CTNNA2: variants seen among roughly 807,000 people sequenced by gnomAD.
CTNNA2 encodes the protein catenin alpha-2.
CTNNA2 carries 42 observed loss-of-function variants against 101.0 expected under a neutral mutation model. The ratio of observed to expected loss-of-function variants is 0.42; its 90% confidence interval spans 0.32 to 0.54. CTNNA2 has a LOEUF of 0.54. Among genes scored for constraint, CTNNA2 ranks in the 20% least tolerant of loss-of-function variants. The pLI is 0.14. For missense variants in CTNNA2, 871 were observed against 1,223.1 expected (o/e 0.71, Z 4.29); for synonymous variants, 450 against 456.4 (o/e 0.99, Z 0.18).
intron 1 of CTNNA2, among the ~76,000 whole-genome samples, chr2:79,583,206 C>CAT (rs564813016): frequency 0.02 from 2,944 of 149,350 alleles, 83 homozygotes; most frequent in Admixed American, 0.088. Context: ...GATATACACA[C>CAT]ATATATATAT....
intron 2 of CTNNA2, among the ~76,000 whole-genome samples, chr2:79,292,025 G>T (rs1675834434): frequency 6.6e-6 from 1 of 152,098 alleles, no homozygotes; most frequent in Admixed American, 6.6e-5. Context: ...ACCTGTGGGG[G>T]TGGTTGATTG....
At chr2:80,141,617 A>G (rs1347221035) in intron 7 of CTNNA2, among the ~76,000 whole-genome samples, 1 of 152,060 alleles carries the variant, frequency 6.6e-6, no homozygotes, top group African/African-American at 2.4e-5. Flanking sequence ...ATGAAGGGCA[A>G]TTTCTGTAGG....
intron 7 of CTNNA2, among the ~76,000 whole-genome samples, chr2:79,917,226 C>T (rs1479483883): frequency 6.6e-6 from 1 of 151,956 alleles, no homozygotes; most frequent in Non-Finnish European, 1.5e-5. Flanking sequence ...TGCCTGCCAC[C>T]ACGTCCAGCT....
intron 7 of CTNNA2, chr2:80,162,779 A>G (rs868761876): frequency 3.0e-5 from 48 of 1,590,814 alleles, no homozygotes; most frequent in Middle Eastern, 1.7e-4. Flanking sequence ...ATTTTCCACC[A>G]TATGACATTT....
intron 1 of CTNNA2, among the ~76,000 whole-genome samples, chr2:79,642,820 A>G (rs1419941391): frequency 6.0e-5 from 9 of 150,978 alleles, no homozygotes; most frequent in Admixed American, 5.3e-4. Context: ...TCTGTGATAC[A>G]TACACACAGA....
chr2:80,067,723 G>A lies in CTNNA2; in HGVS notation c.1056+157926G>A, dbSNP rs138705089. 9.4e-3 allele frequency among the ~76,000 whole-genome samples: 1,425 copies of A among 152,248 alleles called. 5 individuals carry two copies. Among genetic ancestry groups the A allele is most frequent in the Non-Finnish European group, 0.016 (1,063 of 68,028 alleles). ...TGGAGGCTAGGTCATAAAAGACATC[G>A]CGGCTTTCTCCCTACTCTTCTGGAT... On this transcript the variant is annotated intron_variant, in intron 7 of 18. Transcript: ENST00000402739.
At chr2:79,851,059 A>G (rs1286684022) in intron 3 of CTNNA2, among the ~76,000 whole-genome samples, 4 of 152,160 alleles carry the variant, frequency 2.6e-5, no homozygotes, top group African/African-American at 9.7e-5. Context: ...TGCTTACCTC[A>G]TCTTTTCAAC....
At chr2:79,537,194 C>T (rs1165660134) in intron 1 of CTNNA2, among the ~76,000 whole-genome samples, 1 of 152,290 alleles carries the variant, frequency 6.6e-6, no homozygotes, top group East Asian at 1.9e-4. Context: ...CTGATTTGAC[C>T]TGCCTGATCC....
intron 7 of CTNNA2, among the ~76,000 whole-genome samples, chr2:80,209,385 T>G (rs576420849): frequency 1.7e-4 from 26 of 151,852 alleles, no homozygotes; most frequent in Non-Finnish European, 2.9e-4. Context: ...CATGTGGGGT[T>G]TCACCATGTT....
upstream of CTNNA2, among the ~76,000 whole-genome samples, chr2:79,509,857 A>G (rs920880924): frequency 6.6e-6 from 1 of 152,168 alleles, no homozygotes; most frequent in Non-Finnish European, 1.5e-5. Context: ...GGCCGGAGGT[A>G]TATGAAAACT....
chr2:79,869,409 C>T (rs1673568438), intron 4 of CTNNA2, among the ~76,000 whole-genome samples: 1 of 152,178 alleles, frequency 6.6e-6, no homozygotes, highest in African/African-American at 2.4e-5. Context: ...TTTTTAGCAG[C>T]TCAGGAATTT....
chr2:79,318,486 T>C (rs969127414), intron 3 of CTNNA2, among the ~76,000 whole-genome samples: 1 of 152,210 alleles, frequency 6.6e-6, no homozygotes, highest in Non-Finnish European at 1.5e-5. Context: ...CATTGATTGA[T>C]GTTGTTGGTT....
At chr2:80,068,897 T>C (rs893037302) in intron 7 of CTNNA2, among the ~76,000 whole-genome samples, 1 of 152,188 alleles carries the variant, frequency 6.6e-6, no homozygotes, top group Non-Finnish European at 1.5e-5. Context: ...TGAAAAGATA[T>C]GTTACATTTT....
At chr2:80,065,363 A>AT (rs34605273) in intron 7 of CTNNA2, among the ~76,000 whole-genome samples, 27,875 of 144,358 alleles carry the variant, frequency 0.19, 3,095 homozygotes, top group African/African-American at 0.32. Flanking sequence ...TCTCCATTCT[A>AT]TTTTTTTTTT....
At chr2:80,128,895 T>C (rs767382215) in intron 7 of CTNNA2, among the ~76,000 whole-genome samples, 4 of 152,184 alleles carry the variant, frequency 2.6e-5, no homozygotes, top group Non-Finnish European at 5.9e-5. Flanking sequence ...CTTAACATTA[T>C]GCTTTGCTCC....
chr2:80,211,542 T>C (rs536954833), intron 7 of CTNNA2, among the ~76,000 whole-genome samples: 1 of 152,306 alleles, frequency 6.6e-6, no homozygotes, highest in African/African-American at 2.4e-5. Flanking sequence ...TGTAGTATTA[T>C]TTATGAGGGC....
intron 7 of CTNNA2, among the ~76,000 whole-genome samples, chr2:80,035,152 C>T (rs776972645): frequency 1.3e-5 from 2 of 152,038 alleles, no homozygotes; most frequent in African/African-American, 4.8e-5. Flanking sequence ...CCCAGGGATA[C>T]GGTTCAGAAA....
intron 2 of CTNNA2, among the ~76,000 whole-genome samples, chr2:79,664,879 T>G (rs1288904160): frequency 1.3e-5 from 2 of 151,824 alleles, no homozygotes; most frequent in Non-Finnish European, 2.9e-5. Flanking sequence ...GCCCGGCTAA[T>G]TTTTTGTATT....
intron 7 of CTNNA2, among the ~76,000 whole-genome samples, chr2:79,930,322 AAG>A (rs1216983512): frequency 6.9e-6 from 1 of 144,610 alleles, no homozygotes; most frequent in African/African-American, 2.6e-5. Context: ...GAAAGAAAGA[AAG>A]AAAGAAAGAA....
Sources: allele counts gnomAD v4.1 joint callset (sites outside exome capture counted in the v4.1 genomes callset), GRCh38; gene constraint gnomAD v4.1.1; transcripts MANE v1.5; gene names NCBI Gene and HGNC (gene_info 2026-07-23, HGNC 2026-07-21).